The following SP3 variants were observed in gnomAD, a reference collection of about 807,000 sequenced individuals.
The protein encoded by SP3 is transcription factor Sp3.
Under a neutral mutation model 70.3 loss-of-function variants are expected in SP3, and 10 were observed. That is an observed-to-expected ratio of 0.14 (90% CI 0.09 to 0.24). The LOEUF (loss-of-function observed/expected upper bound fraction) is 0.24, where lower values mean the gene tolerates loss of function less well. Ranked by LOEUF, SP3 falls within the 10% of genes least tolerant of loss-of-function variation. The probability of loss-of-function intolerance (pLI) is 1.00; values close to 1 mark genes in which losing one functional copy is unlikely to be tolerated. For missense variants in SP3, 825 were observed against 914.6 expected, an observed-to-expected ratio of 0.90 and a Z score of 1.26; for synonymous variants, 402 against 333.5, an observed-to-expected ratio of 1.21 and a Z score of -2.24.
intron 4 of SP3, among the ~76,000 whole-genome samples, chr2:173,926,616 C>A (rs539818224): frequency 6.6e-6 from 1 of 152,254 alleles, no homozygotes; most frequent in East Asian, 1.9e-4. Flanking sequence ...CTGGGCAACA[C>A]AGCAAGACCA....
In SP3 at chr2:173,955,444, C is replaced by A; in HGVS notation, c.1068G>T (p.Leu356Phe). 6.2e-7 allele frequency: 1 copy of A among 1,614,070 alleles called. No homozygotes were observed. The highest frequency in any genetic ancestry group is 8.5e-7 in the Non-Finnish European group (1 of 1,180,014). The part of the protein sequence containing the change: ...TGILQQNTNS[L>F]TTSSGQVHSS... ...AATGAACCTGCCCACTAGATGTAGT[C>A]AAGCTATTTGTGTTTTGTTGTAATA... Residue 356 changes from leucine (L) to phenylalanine (F), a missense_variant, in exon 4 of 7, where the codon TTG (leucine) becomes TTT (phenylalanine). Transcript: ENST00000310015.
rs1266562370 is a variant in SP3, at chr2:173,955,736, C to T, written c.776G>A (p.Gly259Asp). The stretch of plus-strand genomic sequence containing the variant: ...TACAAACGTAATATTTCCTGGCAGA[C>T]CAAGAGGCACATTAGCAACTACTTG... ...QTQVVANVPLGLPGNITFVPI... is the reference protein window; with the variant it reads ...QTQVVANVPLDLPGNITFVPI... The change falls in exon 4 of 7, where the codon GGT (glycine) becomes GAT (aspartate). Residue 259 changes from glycine (G) to aspartate (D), a missense_variant. Physicochemically the swap from Gly to Asp is moderately conservative, Grantham distance 94. Around this residue, in one of 4 missense-constraint regions of SP3, gnomAD observed 678 missense variants for 651.6 expected, o/e 1.04. Transcript: ENST00000310015. 1.2e-6 allele frequency: 2 copies of T among 1,614,034 alleles called. No homozygotes were observed. Among genetic ancestry groups the T allele is most frequent in the Non-Finnish European group, 1.7e-6 (2 of 1,180,020 alleles).
intron 3 of SP3, among the ~76,000 whole-genome samples, chr2:173,956,794 C>T (rs928100472): frequency 2.0e-5 from 3 of 152,102 alleles, no homozygotes; most frequent in African/African-American, 7.2e-5. Context: ...CTTAAAAAAA[C>T]TTAATGAGAA....
Position 173,907,594 on chromosome 2 carries a change from G to A in SP3, c.*2347C>T, listed in dbSNP as rs1689367518. The A allele has an allele frequency of 6.6e-6, 1 of 151,894 alleles. No individual in the cohort carries two copies. Among genetic ancestry groups the A allele is most frequent in the Admixed American group, 6.6e-5 (1 of 15,250 alleles). 9.4% of individuals were successfully genotyped at this position (151,894 alleles called of 1,614,324 possible). A position where few individuals can be genotyped will look rare whatever the true frequency, so the allele number is the denominator to read the frequency against. On this transcript the variant is annotated 3_prime_UTR_variant, in exon 7 of 7. Coordinates refer to ENST00000310015, the MANE Select transcript of SP3 (RefSeq NM_003111.5). ...CATAAAATATGCATGGACACCTATC[G>A]ATTCAAAGTACACCATAAACTTACT...
chr2:173,947,052 TTCTC>T (rs1690564226), intron 4 of SP3, among the ~76,000 whole-genome samples: 1 of 152,144 alleles, frequency 6.6e-6, no homozygotes, highest in Admixed American at 6.5e-5. Flanking sequence ...GTAATCTGTC[TTCTC>T]TCTGTTAACA....
chr2:173,958,888 C>CA (rs1690976265), intron 3 of SP3, among the ~76,000 whole-genome samples: 1 of 151,822 alleles, frequency 6.6e-6, no homozygotes, highest in South Asian at 2.1e-4. Flanking sequence ...CATTACCTTG[C>CA]AGGGGCATAA....
At chr2:173,956,890 A>G (rs1008968682) in intron 3 of SP3, among the ~76,000 whole-genome samples, 2 of 152,194 alleles carry the variant, frequency 1.3e-5, no homozygotes, top group Non-Finnish European at 1.5e-5. Flanking sequence ...ACACACTGTG[A>G]CTTTACTTAC....
At position 173,905,974 on chromosome 2, in the gene SP3, CAG is replaced by C. The variant is rs1412150238; in HGVS notation, c.*3965_*3966del. Reference sequence around the variant, plus strand: ...ATGATTGCACCACTGCACTGTGTGACAGAGACAGACCCTGTCAAATATAGGGA... The same window carrying C: ...ATGATTGCACCACTGCACTGTGTGACAGACAGACCCTGTCAAATATAGGGA... On this transcript the variant is annotated 3_prime_UTR_variant, in exon 7 of 7. Transcript: ENST00000310015. Among the ~76,000 whole-genome samples the C allele has an allele frequency of 1.3e-5, 2 of 152,140 alleles. No individual in the cohort carries two copies. The highest frequency in any genetic ancestry group is 2.9e-5 in the Non-Finnish European group (2 of 68,030).
At chr2:173,932,370 T>A (rs1690089491) in intron 4 of SP3, among the ~76,000 whole-genome samples, 1 of 152,144 alleles carries the variant, frequency 6.6e-6, no homozygotes. Flanking sequence ...TTTTGTATTT[T>A]CTGTAGAGAT....
intron 4 of SP3, among the ~76,000 whole-genome samples, chr2:173,932,536 C>T (rs189609543): frequency 1.2e-4 from 18 of 151,890 alleles, no homozygotes; most frequent in Admixed American, 3.3e-4. Context: ...GAGGGAGGCC[C>T]GAGGAGAAAG....
In SP3 at chr2:173,955,105, T is replaced by C. The variant is rs781204102; in HGVS notation, c.1407A>G (p.Gln469=). 8.1e-6 allele frequency: 13 copies of C among 1,614,198 alleles called. No individual in the cohort carries two copies. The highest frequency in any genetic ancestry group is 7.7e-5 in the South Asian group (7 of 91,088). The part of the protein sequence containing the change: ...GQVTWQTFQV[Q]GVQNLQNLQI... ...GCAAATTCTGCAAGTTCTGGACCCC[T>C]TGTACTTGAAACGTTTGCCAAGTTA... The change falls in exon 4 of 7, where the codon CAA becomes CAG. Residue 469 remains glutamine (Q), a synonymous_variant. Coordinates refer to ENST00000310015, the MANE Select transcript of SP3 (RefSeq NM_003111.5).
At chr2:173,933,288 T>C (rs1438021681) in intron 4 of SP3, among the ~76,000 whole-genome samples, 9 of 152,180 alleles carry the variant, frequency 5.9e-5, no homozygotes, top group Admixed American at 5.2e-4. Flanking sequence ...ATTCAATTTG[T>C]ATTTTATTAC....
In SP3 at chr2:173,922,248, T is replaced by C. The variant is rs190340594; in HGVS notation, c.1640-3463A>G. ...CTAACAGATTGATAACAGGTTATCA[T>C]GTGAGGAGCAAGAACAGAAAGAAGT... On this transcript the variant is annotated intron_variant, in intron 4 of 6. Transcript: ENST00000310015. Among the ~76,000 whole-genome samples the C allele has an allele frequency of 3.5e-4, 53 of 151,712 alleles. 1 individual carries two copies. The highest frequency in any genetic ancestry group is 3.4e-3 in the Middle Eastern group (1 of 290).
rs747595137 is a variant in SP3 at position 173,938,459 on chromosome 2, C to CAAAA, written c.1639+16410_1639+16413dup. On this transcript the variant is annotated intron_variant, in intron 4 of 6. Coordinates refer to ENST00000310015, the MANE Select transcript of SP3 (RefSeq NM_003111.5). The stretch of plus-strand genomic sequence containing the variant: ...GGGCAACAAGAGCGAAACTTTGCCT[C>CAAAA]AAAAAAAAAAAAAAAAAAAAAAAGC... Among the ~76,000 whole-genome samples, 426 of 46,322 alleles carry CAAAA rather than the reference C, an allele frequency of 9.2e-3. 10 individuals are homozygous for CAAAA. Among genetic ancestry groups the CAAAA allele is most frequent in the African/African-American group, 0.033 (405 of 12,376 alleles). 30.4% of individuals were successfully genotyped at this position (46,322 alleles called of 152,430 possible).
chr2:173,946,315 A>AT (rs562740830), intron 4 of SP3, among the ~76,000 whole-genome samples: 2,128 of 146,500 alleles, frequency 0.015, 29 homozygotes, highest in East Asian at 0.039. Flanking sequence ...AATATTACTG[A>AT]TTTTTTTTTT....
At chr2:173,948,263 A>G (rs1431303029) in intron 4 of SP3, among the ~76,000 whole-genome samples, 2 of 152,242 alleles carry the variant, frequency 1.3e-5, no homozygotes, top group African/African-American at 2.4e-5. Context: ...CCCATAGTCA[A>G]TCACAGTCTG....
intron 3 of SP3, among the ~76,000 whole-genome samples, chr2:173,957,554 A>C (rs896718983): frequency 1.3e-5 from 2 of 152,188 alleles, no homozygotes; most frequent in Admixed American, 6.5e-5. Context: ...AAAAGATCCC[A>C]AAAAGGCTCA....
intron 3 of SP3, among the ~76,000 whole-genome samples, chr2:173,962,614 A>G (rs1198924938): frequency 6.6e-6 from 1 of 152,184 alleles, no homozygotes; most frequent in Admixed American, 6.6e-5. Context: ...ATTACAAATT[A>G]TTTACCAGTA....
At chr2:173,916,931 G>C (rs922194749) in intron 5 of SP3, 2 of 152,030 alleles carry the variant, frequency 1.3e-5, no homozygotes, top group African/African-American at 4.8e-5. Context: ...ATATAGACTT[G>C]AAAATATGGT....
Sources: gnomAD v4.1 joint callset for allele counts (sites outside exome capture counted in the v4.1 genomes callset) on GRCh38, gnomAD v4.1.1 for gene constraint, gnomAD v4.1.1 regional missense constraint, MANE v1.5 for transcripts, NCBI Gene and HGNC (gene_info 2026-07-23, HGNC 2026-07-21) for gene names.